Variants in CDK14 observed in about 807,000 individuals in gnomAD.
CDK14 encodes cyclin dependent kinase 14, also known as cyclin-dependent kinase 14.
In CDK14, 34 loss-of-function variants were observed where a neutral mutation model predicts 60.7. The ratio of observed to expected loss-of-function variants is 0.56; its 90% CI spans 0.43 to 0.75. The LOEUF is 0.75. Among genes scored for constraint, CDK14 ranks in the 30% least tolerant of loss-of-function variants. CDK14 has a pLI of 0.00. For synonymous variants in CDK14, 197 were observed against 203.7 expected (o/e 0.97, Z 0.28); for missense variants, 482 against 564.1 (o/e 0.85, Z 1.47).
chr7:90,872,253 G>A (rs1461066336), intron 6 of CDK14, among the ~76,000 whole-genome samples: 1 of 152,132 alleles, frequency 6.6e-6, no homozygotes, highest in African/African-American at 2.4e-5. Context: ...AACTAGATTT[G>A]TCTCATAGGC....
At chr7:90,719,145 C>T (rs1385726742) in intron 2 of CDK14, among the ~76,000 whole-genome samples, 7 of 152,070 alleles carry the variant, frequency 4.6e-5, no homozygotes, top group African/African-American at 1.7e-4. Flanking sequence ...AAGATTTTTG[C>T]TTATTTCATA....
intron 14 of CDK14, among the ~76,000 whole-genome samples, chr7:91,124,932 A>G (rs1799896910): frequency 6.6e-6 from 1 of 152,140 alleles, no homozygotes; most frequent in Non-Finnish European, 1.5e-5. Context: ...GGAATTGTCT[A>G]TGCCCTAAGT....
rs566453041 is a variant in CDK14, at chr7:90,725,188, A to G, written c.124-1379A>G. Among the ~76,000 whole-genome samples, 4 of 152,310 alleles carry G rather than the reference A, an allele frequency of 2.6e-5. No individual in the cohort carries two copies. In the East Asian group the frequency reaches 7.7e-4, roughly 29 times the overall value. On this transcript the variant is annotated intron_variant, in intron 2 of 14. Coordinates refer to ENST00000380050, the MANE Select transcript of CDK14 (RefSeq NM_001287135.2). ...ACTTTAGTGGTTTTTAAAACATTAC[A>G]TATGTTGGAATATTTATTATAAAAT...
intron 1 of CDK14, among the ~76,000 whole-genome samples, 182 bp downstream of exon 1, chr7:90,596,900 C>T: frequency 6.6e-6 from 1 of 152,094 alleles, no homozygotes; most frequent in East Asian, 1.9e-4. Flanking sequence ...GAAAGAGACC[C>T]CTCTTCCTCA....
intron 7 of CDK14, among the ~76,000 whole-genome samples, chr7:90,915,300 G>T (rs566660694): frequency 1.3e-5 from 2 of 152,272 alleles, no homozygotes; most frequent in East Asian, 1.9e-4. Flanking sequence ...TTAGCTGGGC[G>T]TGGTGGTGGG....
chr7:90,918,824 G>A (rs1290962002), intron 8 of CDK14, among the ~76,000 whole-genome samples: 1 of 152,154 alleles, frequency 6.6e-6, no homozygotes, highest in Non-Finnish European at 1.5e-5. Flanking sequence ...CCTTTGGAAT[G>A]AATCTACTTT....
At chr7:91,119,095 C>T (rs1157336529) in intron 14 of CDK14, among the ~76,000 whole-genome samples, 1 of 152,030 alleles carries the variant, frequency 6.6e-6, no homozygotes, top group East Asian at 1.9e-4. Flanking sequence ...ACACAAGTCT[C>T]TGAAACAAAT....
chr7:90,868,127 C>G (rs1289208107), intron 6 of CDK14, among the ~76,000 whole-genome samples: 3 of 151,882 alleles, frequency 2.0e-5, no homozygotes, highest in Admixed American at 2.0e-4. Flanking sequence ...AAGAATTTGT[C>G]TCTAAAAAAC....
At chr7:90,716,798 A>T (rs1177538675) in intron 2 of CDK14, among the ~76,000 whole-genome samples, 1 of 152,062 alleles carries the variant, frequency 6.6e-6, no homozygotes, top group Non-Finnish European at 1.5e-5. Flanking sequence ...TTTCCCTCTA[A>T]ATTTGCCCTC....
intron 11 of CDK14, among the ~76,000 whole-genome samples, chr7:91,055,396 A>G (rs1027086072): frequency 1.3e-5 from 2 of 152,206 alleles, no homozygotes; most frequent in Admixed American, 6.5e-5. Context: ...GTCTGGATGT[A>G]CTTGAAGAAT....
At chr7:90,942,024 TTATG>T (rs745940806) in intron 8 of CDK14, among the ~76,000 whole-genome samples, 18 of 152,322 alleles carry the variant, frequency 1.2e-4, no homozygotes, top group Non-Finnish European at 2.4e-4. Flanking sequence ...CAACAAGATT[TTATG>T]AAGGCTGGAC....
chr7:91,106,705 TA>T (rs1161145583), intron 12 of CDK14, among the ~76,000 whole-genome samples: 2 of 152,152 alleles, frequency 1.3e-5, no homozygotes, highest in Admixed American at 1.3e-4. Flanking sequence ...AGTTAAATAT[TA>T]AAAAGTTAAG....
Position 91,006,201 on chromosome 7 carries a change from G to T in CDK14, c.1041+21960G>T, listed in dbSNP as rs1185595044. ...CTTATTTTAATTTGGAAAAGAACTT[G>T]AAGTTTTTCCCCTCATGGCTCTTTT... On this transcript the variant is annotated intron_variant, in intron 10 of 14. Coordinates refer to ENST00000380050, the MANE Select transcript of CDK14 (RefSeq NM_001287135.2). 2.0e-5 allele frequency among the ~76,000 whole-genome samples: 3 copies of T among 152,232 alleles called. No individual in the cohort carries two copies. The East Asian group carries it at 5.8e-4, about 29-fold the overall frequency.
chr7:90,972,900 A>C (rs565905622), intron 9 of CDK14, among the ~76,000 whole-genome samples: 1 of 152,312 alleles, frequency 6.6e-6, no homozygotes, highest in South Asian at 2.1e-4. Flanking sequence ...GAAATGCAGG[A>C]TCTCAGGCCT....
At chr7:90,941,678 T>G (rs970837545) in intron 8 of CDK14, among the ~76,000 whole-genome samples, 5 of 151,928 alleles carry the variant, frequency 3.3e-5, no homozygotes, top group African/African-American at 1.2e-4. Context: ...GGACTCAAAC[T>G]CTTGGGGGCC....
intron 6 of CDK14, among the ~76,000 whole-genome samples, chr7:90,874,926 G>T (rs1016207283): frequency 6.6e-6 from 1 of 152,058 alleles, no homozygotes; most frequent in East Asian, 1.9e-4. Context: ...GCGGTTTTGA[G>T]CCTATTCACA....
intron 2 of CDK14, among the ~76,000 whole-genome samples, chr7:90,687,910 G>GAACA (rs1801472521): frequency 6.6e-6 from 1 of 152,098 alleles, no homozygotes; most frequent in Non-Finnish European, 1.5e-5. Context: ...AAGCAAATAG[G>GAACA]AACAGTTGCT....
intron 10 of CDK14, among the ~76,000 whole-genome samples, chr7:91,011,242 G>C (rs779273939): frequency 6.6e-6 from 1 of 152,034 alleles, no homozygotes; most frequent in Non-Finnish European, 1.5e-5. Flanking sequence ...CCCTACCTGA[G>C]GCATGATACT....
chr7:90,842,878 A>G (rs1023033666), intron 5 of CDK14, among the ~76,000 whole-genome samples: 54 of 152,188 alleles, frequency 3.5e-4, no homozygotes, highest in African/African-American at 1.3e-3. Context: ...TTACAAGTGA[A>G]GAGATAAAAC....
Sources: gnomAD v4.1 joint callset for allele counts (sites outside exome capture counted in the v4.1 genomes callset) on GRCh38, gnomAD v4.1.1 for gene constraint, MANE v1.5 for transcripts, NCBI Gene and HGNC (gene_info 2026-07-23, HGNC 2026-07-21) for gene names.